The following STRADA variants were observed in gnomAD, a reference collection of about 807,000 sequenced individuals.
The protein encoded by STRADA is STE20-related kinase adapter protein alpha.
In STRADA, 26 loss-of-function variants were observed where a neutral mutation model predicts 55.0. That is an observed-to-expected ratio of 0.47 (90% CI 0.35 to 0.66). STRADA has a LOEUF of 0.66. STRADA is among the 30% of genes least tolerant of loss of function. The pLI, the probability that STRADA is intolerant of heterozygous loss-of-function variation, is 0.01. For missense variants in STRADA, 443 were observed against 549.7 expected, an observed-to-expected ratio of 0.81 and a Z score of 1.94; for synonymous variants, 197 against 210.9, an observed-to-expected ratio of 0.93 and a Z score of 0.57.
chr17:63,714,425 T>C (rs946950958), intron 4 of STRADA: 2 of 342,620 alleles, frequency 5.8e-6, no homozygotes, highest in African/African-American at 2.1e-5. Flanking sequence ...GGAGAAGGGA[T>C]GTCTAGAGAA....
intron 1 of STRADA, among the ~76,000 whole-genome samples, chr17:63,740,151 C>CAA: frequency 2.5e-5 from 2 of 79,690 alleles, no homozygotes; most frequent in East Asian, 9.7e-4. Context: ...TATATATACA[C>CAA]ACACACACAC....
At chr17:63,711,321 C>T (rs531725562) in intron 6 of STRADA, among the ~76,000 whole-genome samples, 6 of 152,224 alleles carry the variant, frequency 3.9e-5, no homozygotes, top group African/African-American at 1.4e-4. Context: ...AGGCGTGAGC[C>T]ACCAAGCCAC....
chr17:63,727,320 G>A (rs373416048), intron 2 of STRADA: 2 of 152,446 alleles, frequency 1.3e-5, no homozygotes, highest in African/African-American at 2.4e-5. Flanking sequence ...ATTAGGCTAC[G>A]TTGAAGCAGA....
chr17:63,740,153 C>CATAGATATAT (rs1463725651), intron 1 of STRADA, among the ~76,000 whole-genome samples: 1 of 86,274 alleles, frequency 1.2e-5, no homozygotes, highest in Non-Finnish European at 2.3e-5. Context: ...TATATACACA[C>CATAGATATAT]ACACACACAC....
chr17:63,729,511 C>T (rs2037880239), intron 1 of STRADA, among the ~76,000 whole-genome samples: 1 of 151,978 alleles, frequency 6.6e-6, no homozygotes, highest in South Asian at 2.1e-4. Context: ...TCAGCCAGGC[C>T]TGGTGGCTCA....
chr17:63,713,379 C>T (rs2143907192), intron 6 of STRADA, 27 bp downstream of exon 6: 1 of 1,610,186 alleles, frequency 6.2e-7, no homozygotes, highest in Middle Eastern at 1.7e-4. Context: ...CACCCTCCCT[C>T]CATGTGACAC....
At chr17:63,723,145 T>C (rs904223775) in intron 4 of STRADA, among the ~76,000 whole-genome samples, 153 bp downstream of exon 4, 1 of 152,168 alleles carries the variant, frequency 6.6e-6, no homozygotes, top group Admixed American at 6.6e-5. Flanking sequence ...GGGTGAAACC[T>C]GAATCTCCAC....
chr17:63,714,370 T>G (rs1342518357), intron 4 of STRADA: 1 of 390,274 alleles, frequency 2.6e-6, no homozygotes, highest in Non-Finnish European at 4.9e-6. Flanking sequence ...TGCTTGTCCT[T>G]TCCAACAATC....
chr17:63,709,643 C>G (rs2036353142), intron 8 of STRADA, among the ~76,000 whole-genome samples: 1 of 152,196 alleles, frequency 6.6e-6, no homozygotes, highest in Non-Finnish European at 1.5e-5. Context: ...TTACATGCCT[C>G]AGGTCACAAA....
Position 63,706,644 on chromosome 17 carries a change from A to C in STRADA, c.849T>G (p.Pro283=), listed in dbSNP as rs1484962852. ...TGGGCGGCAGGCTTACCTGGGTGGC[A>C]GGCATATCCTTAAAGGGGACATGGC... is the stretch of plus-strand genomic sequence containing the variant. The part of the protein sequence containing the change: ...ANGHVPFKDM[P]ATQMLLEKLN... Residue 283 remains proline, a synonymous_variant, in exon 10 of 13, where the codon CCT becomes CCG. Coordinates refer to ENST00000336174, the MANE Select transcript of STRADA (RefSeq NM_001003787.4). The C allele has an allele frequency of 1.9e-6, 3 of 1,612,144 alleles. No homozygotes were observed. The African/African-American group carries it at 4.0e-5, about 22-fold the overall frequency.
At position 63,708,591 on chromosome 17, in the gene STRADA, A is replaced by G. The variant is rs575884772; in HGVS notation, c.582-1173T>C. Among the ~76,000 whole-genome samples, 23 of 151,984 alleles carry G rather than the reference A, an allele frequency of 1.5e-4. No individual in the cohort carries two copies. The East Asian group carries it at 3.7e-3, about 24-fold the overall frequency. ...GCTCTGTCATCCAGGCTGGAGTGCA[A>G]TGGCACGATCTCAGCTCACTGCAGC... On this transcript the variant is annotated intron_variant, in intron 8 of 12. Coordinates refer to ENST00000336174, the MANE Select transcript of STRADA (RefSeq NM_001003787.4).
intron 8 of STRADA, 91 bp downstream of exon 8, chr17:63,710,400 T>G: frequency 6.4e-7 from 1 of 1,565,652 alleles, no homozygotes; most frequent in South Asian, 1.2e-5. Context: ...AAACTCTGGC[T>G]TCATTAACTT....
intron 9 of STRADA, 109 bp downstream of exon 9, chr17:63,707,138 C>A: frequency 1.4e-6 from 2 of 1,410,444 alleles, no homozygotes; most frequent in Non-Finnish European, 1.9e-6. Flanking sequence ...CTCCAGGAAC[C>A]CCTTTACCCC....
At chr17:63,720,027 CT>C (rs923865178) in intron 4 of STRADA, among the ~76,000 whole-genome samples, 181 of 143,434 alleles carry the variant, frequency 1.3e-3, no homozygotes, top group Non-Finnish European at 1.1e-3. Flanking sequence ...AATTCTTTTT[CT>C]TTTTTTTTTT....
intron 8 of STRADA, among the ~76,000 whole-genome samples, chr17:63,710,166 G>C (rs1568182314): frequency 6.6e-6 from 1 of 151,142 alleles, no homozygotes; most frequent in African/African-American, 2.4e-5. Flanking sequence ...TGTAGTCCCA[G>C]CTACTGGGAC....
chr17:63,704,589 A>G lies in STRADA; in HGVS notation c.859-7T>C. 1 of 1,246,164 alleles carries G rather than the reference A, an allele frequency of 8.0e-7. No homozygotes were observed. The allele number at this position is 1,246,164 out of a possible 1,614,324, so 77.2% of individuals were successfully genotyped here. A position where few individuals can be genotyped will look rare whatever the true frequency, so the allele number is the denominator to read the frequency against. ...TCAGTTTCTCTAGCAGCATCTGGGG[A>G]GGACAGAACCAGGACCTGGGCTGTA... On this transcript the variant is annotated splice_region_variant and splice_polypyrimidine_tract_variant and intron_variant, in intron 10 of 12. Transcript: ENST00000336174.
intron 1 of STRADA, among the ~76,000 whole-genome samples, chr17:63,734,031 T>G (rs1413937463): frequency 6.6e-6 from 1 of 152,254 alleles, no homozygotes; most frequent in Non-Finnish European, 1.5e-5. Context: ...TGCTGAGTGC[T>G]GTGAGTCCTC....
chr17:63,721,338 C>A (rs2036670830), intron 4 of STRADA, among the ~76,000 whole-genome samples: 1 of 150,340 alleles, frequency 6.7e-6, no homozygotes. Context: ...TGCCATTGCA[C>A]TCCAGCCTGG....
At chr17:63,733,456 T>C (rs2038210906) in intron 1 of STRADA, among the ~76,000 whole-genome samples, 1 of 152,182 alleles carries the variant, frequency 6.6e-6, no homozygotes. Flanking sequence ...ATTTTTCATC[T>C]CAAGTGGAAC....
Sources: allele counts gnomAD v4.1 joint callset (sites outside exome capture counted in the v4.1 genomes callset), GRCh38; gene constraint gnomAD v4.1.1; transcripts MANE v1.5; gene names NCBI Gene and HGNC (gene_info 2026-07-23, HGNC 2026-07-21).